Variants in MTR observed in about 807,000 individuals in gnomAD.
The protein encoded by MTR is methionine synthase.
MTR carries 84 observed loss-of-function variants against 154.8 expected under a neutral mutation model. The observed-to-expected ratio is 0.54, with a 90% CI of 0.45 to 0.65. The LOEUF (loss-of-function observed/expected upper bound fraction) is 0.65. Ranked by LOEUF, MTR falls within the 30% of genes least tolerant of loss-of-function variation. The pLI is 0.00. For synonymous variants in MTR, 554 were observed against 553.9 expected (o/e 1.00, Z 0.00); for missense variants, 1,275 against 1,570.2 (o/e 0.81, Z 3.18).
At chr1:236,833,039 AT>A (rs1314442578) in intron 13 of MTR, among the ~76,000 whole-genome samples, 1 of 151,988 alleles carries the variant, frequency 6.6e-6, no homozygotes, top group African/African-American at 2.4e-5. Context: ...TTTTTTGTGT[AT>A]GGGATAAAAC....
intron 2 of MTR, 32 bp from the exon 3 acceptor site, chr1:236,806,112 C>A: frequency 6.4e-7 from 1 of 1,563,498 alleles, no homozygotes; most frequent in Non-Finnish European, 8.8e-7. Flanking sequence ...AACTCTAAAG[C>A]TCATAATTGA....
intron 28 of MTR, among the ~76,000 whole-genome samples, chr1:236,890,256 C>T (rs754665685): frequency 2.6e-5 from 4 of 152,152 alleles, no homozygotes; most frequent in Non-Finnish European, 4.4e-5. Flanking sequence ...GCCCCTGAAT[C>T]ATCACAGGTG....
chr1:236,850,305 T>A (rs1663823264), intron 15 of MTR, 39 bp from the exon 16 acceptor site: 6 of 1,453,560 alleles, frequency 4.1e-6, no homozygotes, highest in Non-Finnish European at 5.6e-6. Flanking sequence ...AATAGATAAT[T>A]TTTCTATTTC....
rs1663041503 is a variant in MTR, at chr1:236,838,584, T to C, written c.1500T>C (p.Phe500=). The change falls in exon 15 of 33, where the codon TTT becomes TTC. Residue 500 remains phenylalanine, a synonymous_variant. Transcript: ENST00000366577. The part of the protein sequence containing the change: ...KYGAAMVVMA[F]DEEGQATETD... ...GAGCTGCTATGGTGGTCATGGCTTT[T>C]GATGAAGAAGGACAGGTGAGTGGTT... The C allele has an allele frequency of 1.2e-6, 2 of 1,614,022 alleles. No homozygotes were observed. Among genetic ancestry groups the C allele is most frequent in the African/African-American group, 1.3e-5 (1 of 74,928 alleles).
chr1:236,853,560 C>G (rs1458517835), intron 18 of MTR, among the ~76,000 whole-genome samples: 1 of 152,092 alleles, frequency 6.6e-6, no homozygotes, highest in Non-Finnish European at 1.5e-5. Flanking sequence ...GAACTATACT[C>G]TAGATGCTTT....
chr1:236,891,985 C>G (rs1666350576), intron 29 of MTR, among the ~76,000 whole-genome samples: 1 of 152,086 alleles, frequency 6.6e-6, no homozygotes, highest in Non-Finnish European at 1.5e-5. Context: ...GTGACGAGAA[C>G]AGACTCTTCT....
At chr1:236,844,453 C>CGTGTGTGTGT (rs58179715) in intron 15 of MTR, among the ~76,000 whole-genome samples, 1 of 145,362 alleles carries the variant, frequency 6.9e-6, no homozygotes, top group African/African-American at 2.6e-5. Flanking sequence ...TCAGAAAGGG[C>CGTGTGTGTGT]GTGTGTGTGT....
chr1:236,795,389 C>A lies in MTR; in HGVS notation c.-315C>A. On this transcript the variant is annotated 5_prime_UTR_variant, in exon 1 of 33. Transcript: ENST00000366577. Reference sequence around the variant, plus strand: ...GCCGGTTTTCTCTTGGGTCCTTTTCCGTGCCGTCCCGCGACTCCGCCTCTG... The same window carrying A: ...GCCGGTTTTCTCTTGGGTCCTTTTCAGTGCCGTCCCGCGACTCCGCCTCTG... 7.1e-7 allele frequency: 1 copy of A among 1,415,790 alleles called. No individual in the cohort carries two copies. Among genetic ancestry groups the A allele is most frequent in the Non-Finnish European group, 9.3e-7 (1 of 1,070,214 alleles). The allele number at this position is 1,415,790 out of a possible 1,614,324, so 87.7% of individuals were successfully genotyped here. A position where few individuals can be genotyped will look rare whatever the true frequency, so the allele number is the denominator to read the frequency against.
At chr1:236,799,859 T>C (rs748416963) in intron 1 of MTR, among the ~76,000 whole-genome samples, 4 of 151,986 alleles carry the variant, frequency 2.6e-5, no homozygotes, top group Non-Finnish European at 5.9e-5. Flanking sequence ...TTCGAAGTCA[T>C]AAAGTTCTTC....
In MTR at chr1:236,895,433, G is replaced by A. The variant is rs866499126; in HGVS notation, c.3481G>A (p.Ala1161Thr). The change falls in exon 31 of 33, where the codon GCA becomes ACA. Residue 1161 changes from alanine to threonine, a missense_variant. Physicochemically the swap from Ala to Thr is moderately conservative, Grantham distance 58. Coordinates refer to ENST00000366577, the MANE Select transcript of MTR (RefSeq NM_000254.3). ...CTGTGGCAGTGAGCAGCTGGACGTC[G>A]CAGACCTGCGCAGGCTGCGGTACAA... ...AYCGSEQLDV[A>T]DLRRLRYKGI... 9 of 1,602,776 alleles carry A rather than the reference G, an allele frequency of 5.6e-6. No individual in the cohort carries two copies. Among genetic ancestry groups the A allele is most frequent in the East Asian group, 4.5e-5 (2 of 44,516 alleles).
chr1:236,895,673 A>G (rs1296237308), intron 31 of MTR, 123 bp downstream of exon 31: 1 of 989,866 alleles, frequency 1.0e-6, no homozygotes, highest in Non-Finnish European at 1.5e-6. Flanking sequence ...ATTGTCCCTT[A>G]TGCTGTCCTT....
chr1:236,835,573 G>A lies in MTR; in HGVS notation c.1215G>A (p.Gln405=), dbSNP rs376048659. 47 of 1,611,670 alleles carry A rather than the reference G, an allele frequency of 2.9e-5. No individual in the cohort carries two copies. The African/African-American group carries it at 5.9e-4, about 20-fold the overall frequency. ...YEEALCVAKV[Q]VEMGAQVLDV... The stretch of plus-strand genomic sequence containing the variant: ...AAGCCTTGTGTGTTGCCAAAGTGCA[G>A]GTGGAAATGGGAGCCCAGGTGTTGG... Residue 405 remains glutamine, a synonymous_variant, in exon 14 of 33, where the codon CAG becomes CAA. Transcript: ENST00000366577.
intron 15 of MTR, among the ~76,000 whole-genome samples, chr1:236,849,401 A>G (rs1248514037): frequency 6.6e-6 from 1 of 152,220 alleles, no homozygotes; most frequent in Non-Finnish European, 1.5e-5. Flanking sequence ...ACTCCGAAGA[A>G]GAATGGAGGA....
chr1:236,816,685 T>C, intron 8 of MTR, 142 bp downstream of exon 8: 1 of 764,222 alleles, frequency 1.3e-6, no homozygotes, highest in Non-Finnish European at 2.3e-6. Context: ...TTAAGTACTT[T>C]CAGACTTTTC....
chr1:236,816,680 T>A, intron 8 of MTR, 137 bp downstream of exon 8: 1 of 783,868 alleles, frequency 1.3e-6, no homozygotes, highest in Non-Finnish European at 2.2e-6. Context: ...TTCCTTTAAG[T>A]ACTTTCAGAC....
intron 10 of MTR, 152 bp downstream of exon 10, chr1:236,825,551 C>G: frequency 1.2e-6 from 1 of 800,022 alleles, no homozygotes; most frequent in Admixed American, 2.0e-5. Flanking sequence ...GTACTAGAGG[C>G]ACAGGGGAGG....
intron 27 of MTR, among the ~76,000 whole-genome samples, chr1:236,887,216 G>T (rs1391550564): frequency 6.6e-6 from 1 of 152,144 alleles, no homozygotes; most frequent in Admixed American, 6.5e-5. Context: ...AGAGTTGAGC[G>T]GATTAAATTG....
In MTR at chr1:236,897,550, T is replaced by C. The variant is rs12022937; in HGVS notation, c.3712-8T>C. The C allele has an allele frequency of 0.052, 83,123 of 1,612,446 alleles. 9,324 individuals are homozygous for C. The highest frequency in any genetic ancestry group is 0.42 in the African/African-American group (31,375 of 74,864). On this transcript the variant is annotated splice_region_variant and splice_polypyrimidine_tract_variant and intron_variant, in intron 32 of 32. Transcript: ENST00000366577. ...TTGGTTTAATAAAATGCTTCTCATC[T>C]TTTGCAGGTTGAGGATTATGCATTG... is the stretch of plus-strand genomic sequence containing the variant.
intron 8 of MTR, among the ~76,000 whole-genome samples, chr1:236,821,306 C>A (rs545015780): frequency 1.1e-4 from 16 of 152,330 alleles, no homozygotes; most frequent in African/African-American, 3.6e-4. Context: ...AGAACTAATT[C>A]AGTCTCCAGG....
Sources: gnomAD v4.1 joint callset for allele counts (sites outside exome capture counted in the v4.1 genomes callset) on GRCh38, gnomAD v4.1.1 for gene constraint, MANE v1.5 for transcripts, NCBI Gene and HGNC (gene_info 2026-07-23, HGNC 2026-07-21) for gene names.